The following ABCA3 variants were observed in gnomAD, a reference collection of about 807,000 sequenced individuals.
ABCA3 encodes the protein phospholipid-transporting ATPase ABCA3.
Under a neutral mutation model 172.8 loss-of-function variants are expected in ABCA3, and 88 were observed. That is an observed-to-expected ratio of 0.51 (90% CI 0.43 to 0.61). The LOEUF (loss-of-function observed/expected upper bound fraction) is 0.61. Among genes scored for constraint, ABCA3 ranks in the 20% least tolerant of loss-of-function variants. The pLI is 0.00. For synonymous variants in ABCA3, 1,066 were observed against 983.8 expected (o/e 1.08, Z -1.56); for missense variants, 2,164 against 2,301.0 (o/e 0.94, Z 1.22).
rs749168819 is a variant in ABCA3 at position 2,323,547 on chromosome 16, T to C, written c.589A>G (p.Thr197Ala). The C allele has an allele frequency of 9.3e-6, 15 of 1,613,992 alleles. No individual in the cohort carries two copies. The East Asian group carries it at 3.1e-4, about 34-fold the overall frequency. ...LFPNPGPREP[T>A]SPDGGEPGYI... ...CCAGGTTCTCCGCCATCAGGGGATG[T>C]AGGTTCCCTTGGTCCTGGGTTTGGG... Residue 197 changes from threonine (T) to alanine (A), a missense_variant, in exon 7 of 33, where the codon ACA (threonine) becomes GCA (alanine). By Grantham distance (58) the Thr-to-Ala change is moderately conservative. Transcript: ENST00000301732.
At position 2,285,101 on chromosome 16, in the gene ABCA3, G is replaced by T. The variant is rs150688587; in HGVS notation, c.3484-103C>A. On this transcript the variant is annotated intron_variant, in intron 23 of 32. Transcript: ENST00000301732. The surrounding 1 kb of genome is among the most constrained non-coding windows in gnomAD (Gnocchi z 4.7). The stretch of plus-strand genomic sequence containing the variant: ...ATTTGGAGGTCCTCAGACCCCTCCC[G>T]GTCAGCTGGCCCATGTCCATCAGCC... The T allele has an allele frequency of 1.5e-6, 2 of 1,315,710 alleles. No individual in the cohort carries two copies. Among genetic ancestry groups the T allele is most frequent in the African/African-American group, 2.9e-5 (2 of 68,508 alleles). 81.5% of individuals were successfully genotyped at this position (1,315,710 alleles called of 1,614,324 possible). A position where few individuals can be genotyped will look rare whatever the true frequency, so the allele number is the denominator to read the frequency against.
At chr16:2,324,355 G>T in intron 6 of ABCA3, 49 bp downstream of exon 6, 1 of 1,549,374 alleles carries the variant, frequency 6.5e-7, no homozygotes, top group Non-Finnish European at 8.7e-7. Flanking sequence ...GGAGGAAGCG[G>T]AGGCCTTGCT....
Position 2,297,233 on chromosome 16 carries a change from C to G in ABCA3, c.2263+96G>C. The G allele has an allele frequency of 7.1e-7, 1 of 1,406,586 alleles. No homozygotes were observed. Among genetic ancestry groups the G allele is most frequent in the Non-Finnish European group, 9.8e-7 (1 of 1,020,424 alleles). The allele number at this position is 1,406,586 out of a possible 1,614,324, so 87.1% of individuals were successfully genotyped here. A position where few individuals can be genotyped will look rare whatever the true frequency, so the allele number is the denominator to read the frequency against. ...ACAGGAAGTCTAGAAAAGGCCACCC[C>G]TGCCTGATCTGAGGGCCCTTCATGA... On this transcript the variant is annotated intron_variant, in intron 17 of 32. Transcript: ENST00000301732. The surrounding 1 kb of genome is among the most constrained non-coding windows in gnomAD (Gnocchi z 5.6).
In ABCA3 at chr16:2,285,101, G is replaced by A. The variant is rs150688587; in HGVS notation, c.3484-103C>T. 1.7e-4 allele frequency: 219 copies of A among 1,315,830 alleles called. No homozygotes were observed. The African/African-American group carries it at 2.5e-3, about 15-fold the overall frequency. 81.5% of individuals were successfully genotyped at this position (1,315,830 alleles called of 1,614,324 possible). On this transcript the variant is annotated intron_variant, in intron 23 of 32. Transcript: ENST00000301732. The surrounding 1 kb of genome is among the most constrained non-coding windows in gnomAD (Gnocchi z 4.7). The stretch of plus-strand genomic sequence containing the variant: ...ATTTGGAGGTCCTCAGACCCCTCCC[G>A]GTCAGCTGGCCCATGTCCATCAGCC...
At chr16:2,334,759 C>G (rs998381779) in intron 1 of ABCA3, among the ~76,000 whole-genome samples, 2 of 151,552 alleles carry the variant, frequency 1.3e-5, no homozygotes, top group Non-Finnish European at 2.9e-5. Flanking sequence ...CTCAGGTGAT[C>G]CACCTGCCTC....
At chr16:2,298,721 C>A (rs1315658123) in intron 14 of ABCA3, among the ~76,000 whole-genome samples, 181 bp from the exon 15 acceptor site, 1 of 152,042 alleles carries the variant, frequency 6.6e-6, no homozygotes, top group Non-Finnish European at 1.5e-5. Flanking sequence ...GAAAAAGAAG[C>A]GGCATGGAAA....
Position 2,289,501 on chromosome 16 carries a change from A to G in ABCA3, c.2633T>C (p.Met878Thr), listed in dbSNP as rs763444357. ...GGCTCCAATGCCGTCGGAGGGGTCC[A>G]TGGCCCCACAGAGGTTGCTGTCCAC... ...WAVDSNLCGA[M>T]DPSDGIGALI... is the part of the protein sequence containing the mutation. The change falls in exon 20 of 33, where the codon ATG becomes ACG. Residue 878 changes from methionine to threonine, a missense_variant. Around this residue, in one of 3 missense-constraint regions of ABCA3, gnomAD observed 1,343 missense variants for 1,369.6 expected, o/e 0.98. Transcript: ENST00000301732. The G allele has an allele frequency of 5.0e-6, 8 of 1,591,176 alleles. No individual in the cohort carries two copies. The highest frequency in any genetic ancestry group is 1.3e-5 in the African/African-American group (1 of 74,868).
Position 2,328,696 on chromosome 16 carries a change from A to G in ABCA3, c.-270T>C, listed in dbSNP as rs1294523797. The G allele has an allele frequency of 2.7e-6, 1 of 372,074 alleles. No individual in the cohort carries two copies. Among genetic ancestry groups the G allele is most frequent in the Non-Finnish European group, 5.4e-6 (1 of 183,502 alleles). 23.0% of individuals were successfully genotyped at this position (372,074 alleles called of 1,614,324 possible). A position where few individuals can be genotyped will look rare whatever the true frequency, so the allele number is the denominator to read the frequency against. On this transcript the variant is annotated 5_prime_UTR_variant, in exon 3 of 33. Coordinates refer to ENST00000301732, the MANE Select transcript of ABCA3 (RefSeq NM_001089.3). Reference sequence around the variant, plus strand: ...CCGCTCAGCGTCCTTCATGTGCGGAAAAGCCTCCTTGACTCACAGTGGAAG... The same window carrying G: ...CCGCTCAGCGTCCTTCATGTGCGGAGAAGCCTCCTTGACTCACAGTGGAAG...
intron 12 of ABCA3, among the ~76,000 whole-genome samples, chr16:2,300,628 T>C (rs1398661426): frequency 6.6e-6 from 1 of 152,152 alleles, no homozygotes; most frequent in Non-Finnish European, 1.5e-5. Flanking sequence ...CTTCCCATCT[T>C]CTCTGTGGCC....
chr16:2,331,430 C>T (rs1321078176), intron 1 of ABCA3, among the ~76,000 whole-genome samples: 1 of 152,186 alleles, frequency 6.6e-6, no homozygotes, highest in South Asian at 2.1e-4. Flanking sequence ...AACTCCTGAC[C>T]TCAAGTGATC....
At chr16:2,315,446 A>T (rs1422365890) in intron 10 of ABCA3, among the ~76,000 whole-genome samples, 1 of 152,188 alleles carries the variant, frequency 6.6e-6, no homozygotes, top group Non-Finnish European at 1.5e-5. Flanking sequence ...TTTCACAGGC[A>T]GCTAAAATAC....
In ABCA3 at chr16:2,276,440, G is replaced by T; in HGVS notation, c.*234C>A. ...CCCGCAGACTGCCCGGCCTGCCCCA[G>T]CTCTGGGAAAGTGAACTCCAGAGTA... is the stretch of plus-strand genomic sequence containing the variant. On this transcript the variant is annotated 3_prime_UTR_variant, in exon 33 of 33. Coordinates refer to ENST00000301732, the MANE Select transcript of ABCA3 (RefSeq NM_001089.3). 1.3e-6 allele frequency: 1 copy of T among 773,754 alleles called. No homozygotes were observed. The highest frequency in any genetic ancestry group is 2.1e-6 in the Non-Finnish European group (1 of 473,896). The allele number at this position is 773,754 out of a possible 1,614,324, so 47.9% of individuals were successfully genotyped here. A position where few individuals can be genotyped will look rare whatever the true frequency, so the allele number is the denominator to read the frequency against.
rs1275224501 is a variant in ABCA3, at chr16:2,281,497, T to C, written c.4048A>G (p.Thr1350Ala). Residue 1350 changes from threonine (T) to alanine (A), a missense_variant, in exon 27 of 33, where the codon ACC becomes GCC. By Grantham distance (58) the Thr-to-Ala change is moderately conservative. Coordinates refer to ENST00000301732, the MANE Select transcript of ABCA3 (RefSeq NM_001089.3). This position sits in a 1 kb window ranked among gnomAD's most constrained non-coding sequence, Gnocchi z 4.7. ...RRRRTLTELYTRMPVLPEDQD... is the reference protein window; with the variant it reads ...RRRRTLTELYARMPVLPEDQD... ...TCCTCAGGAAGCACAGGCATCCGGG[T>C]GTATAATTCTGTCTGATTGACCAGG... 3 of 1,612,486 alleles carry C rather than the reference T, an allele frequency of 1.9e-6. No homozygotes were observed. In the African/African-American group the frequency reaches 4.0e-5, roughly 22 times the overall value.
At chr16:2,302,583 G>T (rs923617080) in intron 12 of ABCA3, among the ~76,000 whole-genome samples, 2 of 151,654 alleles carry the variant, frequency 1.3e-5, no homozygotes, top group African/African-American at 4.8e-5. Flanking sequence ...GGGCTCAAGT[G>T]ATTCTTCTGC....
chr16:2,300,288 G>T, intron 12 of ABCA3, 140 bp from the exon 13 acceptor site: 1 of 1,254,510 alleles, frequency 8.0e-7, no homozygotes, highest in Non-Finnish European at 1.1e-6. Flanking sequence ...GCGCTACTCA[G>T]GGAGAGCCCC....
intron 17 of ABCA3, among the ~76,000 whole-genome samples, chr16:2,296,383 C>T (rs1346180014): frequency 6.6e-6 from 1 of 152,178 alleles, no homozygotes; most frequent in East Asian, 1.9e-4. Context: ...TACAGGCATG[C>T]ACCACCATAC....
At chr16:2,288,683 T>C (rs1314018066) in intron 20 of ABCA3, among the ~76,000 whole-genome samples, 2 of 152,182 alleles carry the variant, frequency 1.3e-5, no homozygotes, top group Non-Finnish European at 2.9e-5. Flanking sequence ...TAGCTGGGAT[T>C]ACAGGCGCAC....
At chr16:2,300,233 C>G (rs1196731059) in intron 12 of ABCA3, 85 bp from the exon 13 acceptor site, 21 of 1,580,032 alleles carry the variant, frequency 1.3e-5, no homozygotes, top group Non-Finnish European at 1.7e-5. Context: ...TGCACACAGC[C>G]ATGCAGCCTC....
chr16:2,283,736 G>C lies in ABCA3; in HGVS notation c.3863-378C>G. 1.4e-5 allele frequency: 4 copies of C among 288,790 alleles called. No homozygotes were observed. The South Asian group carries it at 1.8e-4, about 13-fold the overall frequency. The allele number at this position is 288,790 out of a possible 1,614,324, so 17.9% of individuals were successfully genotyped here. A position where few individuals can be genotyped will look rare whatever the true frequency, so the allele number is the denominator to read the frequency against. ...GACAGGTCCAAGTTCTGTCCCCCTG[G>C]ACCTGGGGTTGTGATCTTGCTTAGA... is the stretch of plus-strand genomic sequence containing the variant. On this transcript the variant is annotated intron_variant, in intron 25 of 32. Transcript: ENST00000301732. This position sits in a 1 kb window ranked among gnomAD's most constrained non-coding sequence, Gnocchi z 5.4.
Sources: allele counts gnomAD v4.1 joint callset (sites outside exome capture counted in the v4.1 genomes callset), GRCh38; gene constraint gnomAD v4.1.1; regional missense constraint gnomAD v4.1.1; non-coding constraint Gnocchi (gnomAD v3.1); transcripts MANE v1.5; gene names NCBI Gene and HGNC (gene_info 2026-07-23, HGNC 2026-07-21).